Variants in DGKQ observed in about 807,000 individuals in gnomAD.
The protein encoded by DGKQ is diacylglycerol kinase theta.
Under a neutral mutation model 104.2 loss-of-function variants are expected in DGKQ, and 97 were observed. That is an observed-to-expected ratio of 0.93 (90% CI 0.79 to 1.10). The LOEUF (loss-of-function observed/expected upper bound fraction) is 1.10. Among genes scored for constraint, DGKQ ranks in the 50% least tolerant of loss-of-function variants. The pLI is 0.00. For synonymous variants in DGKQ, 736 were observed against 595.2 expected (o/e 1.24, Z -3.44); for missense variants, 1,465 against 1,352.1 (o/e 1.08, Z -1.31).
chr4:968,072 G>A, intron 5 of DGKQ, 45 bp from the exon 6 acceptor site: 28 of 1,319,836 alleles, frequency 2.1e-5, no homozygotes, highest in East Asian at 2.8e-5. Flanking sequence ...GCCAGGGTGC[G>A]GGGGCACCAG....
chr4:973,182 G>GCC, intron 1 of DGKQ, 30 bp downstream of exon 1: 1 of 1,516,378 alleles, frequency 6.6e-7, no homozygotes, highest in Non-Finnish European at 8.8e-7. Context: ...CAGGGCTGCA[G>GCC]CCGGGTAGGC....
At chr4:963,493 G>C (rs112411766) in intron 15 of DGKQ, among the ~76,000 whole-genome samples, 1 of 152,224 alleles carries the variant, frequency 6.6e-6, no homozygotes, top group African/African-American at 2.4e-5. Context: ...CTGGCCAGCA[G>C]GGCGGCACTG....
intron 6 of DGKQ, 36 bp downstream of exon 6, chr4:967,844 C>G: frequency 6.6e-7 from 1 of 1,524,816 alleles, no homozygotes; most frequent in Non-Finnish European, 8.8e-7. Flanking sequence ...GTGCGCAGCC[C>G]CCAGCCCAGG....
Position 962,931 on chromosome 4 carries a change from A to C in DGKQ, c.1887-11T>G. 2 of 1,604,050 alleles carry C rather than the reference A, an allele frequency of 1.2e-6. No homozygotes were observed. Among genetic ancestry groups the C allele is most frequent in the Non-Finnish European group, 1.7e-6 (2 of 1,176,196 alleles). On this transcript the variant is annotated splice_polypyrimidine_tract_variant and intron_variant, in intron 16 of 22. Transcript: ENST00000273814. ...GAGAACAGGTGGAGCCTAGCGGGAG[A>C]CAGGAAGTGTCCTCTACCAGCTGCG...
At chr4:967,697 T>C in intron 7 of DGKQ, 31 bp downstream of exon 7, 1 of 1,611,654 alleles carries the variant, frequency 6.2e-7, no homozygotes, top group South Asian at 1.1e-5. Context: ...GGGACCTCAG[T>C]GGAGTTGGGG....
At chr4:970,702 C>A (rs934799942) in intron 2 of DGKQ, among the ~76,000 whole-genome samples, 1 of 152,214 alleles carries the variant, frequency 6.6e-6, no homozygotes, top group African/African-American at 2.4e-5. Flanking sequence ...ACGCCCACTT[C>A]TCCGCCTGGA....
Position 959,006 on chromosome 4 carries a change from C to A in DGKQ, c.*1614G>T, listed in dbSNP as rs1711657782. On this transcript the variant is annotated 3_prime_UTR_variant, in exon 23 of 23. Transcript: ENST00000273814. ...CAGACCCCACCTGGGTACAGACTCA[C>A]ATACAGGACAAGCCCCTCACCACAG... The A allele has an allele frequency of 6.3e-6, 1 of 158,310 alleles. No individual in the cohort carries two copies. Among genetic ancestry groups the A allele is most frequent in the Non-Finnish European group, 1.4e-5 (1 of 72,400 alleles). 9.8% of individuals were successfully genotyped at this position (158,310 alleles called of 1,614,324 possible).
At chr4:965,103 G>C in intron 15 of DGKQ, 73 bp downstream of exon 15, 1 of 1,188,418 alleles carries the variant, frequency 8.4e-7, no homozygotes. Flanking sequence ...TGGGGCCTGT[G>C]CACCTGCAGA....
intron 13 of DGKQ, 53 bp from the exon 14 acceptor site, chr4:965,582 T>C (rs1312247560): frequency 1.9e-6 from 3 of 1,595,386 alleles, no homozygotes; most frequent in Non-Finnish European, 2.6e-6. Context: ...CACACAGCAC[T>C]GGGGCCAGGG....
In DGKQ at chr4:962,012, C is replaced by T; in HGVS notation, c.2285G>A (p.Arg762Gln). 5 of 1,613,178 alleles carry T rather than the reference C, an allele frequency of 3.1e-6. No homozygotes were observed. The highest frequency in any genetic ancestry group is 1.7e-4 in the Middle Eastern group (1 of 6,060). The change falls in exon 19 of 23, where the codon CGG becomes CAG. Residue 762 changes from arginine to glutamine, a missense_variant. Physicochemically the swap from Arg to Gln is conservative, Grantham distance 43. Transcript: ENST00000273814. ...TGTGAACTTGCCAGGCTCCTCTTCC[C>T]GTGCCTGGTGGAAGTCCAGGCTCAG... ...AELSLDFHQA[R>Q]EEEPGKFTSR...
chr4:964,169 C>G (rs1712109875), intron 15 of DGKQ: 1 of 154,600 alleles, frequency 6.5e-6, no homozygotes, highest in Non-Finnish European at 1.5e-5. Context: ...GGGGTGGGGG[C>G]TGCATCCTCG....
chr4:966,362 C>T (rs376212099), intron 12 of DGKQ, 104 bp downstream of exon 12: 2 of 1,321,540 alleles, frequency 1.5e-6, no homozygotes, highest in African/African-American at 2.9e-5. Context: ...CAGCCGCTGC[C>T]TAGCCAAGGA....
In DGKQ at chr4:965,160, T is replaced by C. The variant is rs1403142764; in HGVS notation, c.1734+16A>G. ...CCCCTGGGGTGTGTGAAGAGCCGGC[T>C]TGACCGCACACTCACCAGCAGGTCG... On this transcript the variant is annotated intron_variant, in intron 15 of 22. Transcript: ENST00000273814. 3 of 1,609,678 alleles carry C rather than the reference T, an allele frequency of 1.9e-6. No homozygotes were observed. The highest frequency in any genetic ancestry group is 2.7e-5 in the African/African-American group (2 of 74,864).
rs1370089094 is a variant in DGKQ at position 960,399 on chromosome 4, A to G, written c.*221T>C. On this transcript the variant is annotated 3_prime_UTR_variant, in exon 23 of 23. Coordinates refer to ENST00000273814, the MANE Select transcript of DGKQ (RefSeq NM_001347.4). The stretch of plus-strand genomic sequence containing the variant: ...CACGGGGTAACACTGCCACCCGCAC[A>G]CCAGTCTCCAGTGGGATGAGGGCTG... The G allele has an allele frequency of 1.0e-5, 6 of 583,832 alleles. No homozygotes were observed. The highest frequency in any genetic ancestry group is 7.4e-5 in the African/African-American group (4 of 53,736). The allele number at this position is 583,832 out of a possible 1,614,324, so 36.2% of individuals were successfully genotyped here. A position where few individuals can be genotyped will look rare whatever the true frequency, so the allele number is the denominator to read the frequency against.
chr4:965,560 G>T, intron 13 of DGKQ, 31 bp from the exon 14 acceptor site: 1 of 1,608,664 alleles, frequency 6.2e-7, no homozygotes, highest in East Asian at 2.2e-5. Context: ...CAGGGCGGTG[G>T]GAGGCGAAGG....
rs1236608442 is a variant in DGKQ at position 965,413 on chromosome 4, G to A, written c.1618+78C>T. ...GCCCAAGGGAAAGGTCAGGTGCTAC[G>A]TGAGGGCCAGGGCTGTCCCACTTCA... On this transcript the variant is annotated intron_variant, in intron 14 of 22. Coordinates refer to ENST00000273814, the MANE Select transcript of DGKQ (RefSeq NM_001347.4). 3.3e-5 allele frequency: 51 copies of A among 1,555,166 alleles called. No homozygotes were observed. The South Asian group carries it at 3.4e-4, about 11-fold the overall frequency.
At position 961,784 on chromosome 4, in the gene DGKQ, T is replaced by A; in HGVS notation, c.2366A>T (p.His789Leu). ...YVRVGLQKIS[H>L]SRSLHKQIRL... ...GATCTGCTTGTGCAGGCTCCGAGAG[T>A]GACTGATCTTCTGCAGCCCCACCCG... Residue 789 changes from histidine to leucine, a missense_variant, in exon 20 of 23, where the codon CAC becomes CTC. Physicochemically the swap from His to Leu is moderately conservative, Grantham distance 99. Transcript: ENST00000273814. The A allele has an allele frequency of 6.2e-7, 1 of 1,610,626 alleles. No individual in the cohort carries two copies. Among genetic ancestry groups the A allele is most frequent in the Non-Finnish European group, 8.5e-7 (1 of 1,178,940 alleles).
At chr4:962,398 G>C in intron 18 of DGKQ, 37 bp downstream of exon 18, 3 of 1,521,984 alleles carry the variant, frequency 2.0e-6, no homozygotes, top group South Asian at 1.2e-5. Flanking sequence ...TCATATGCAG[G>C]AGCCTGGAAG....
At position 962,482 on chromosome 4, in the gene DGKQ, C is replaced by T. The variant is rs370998016; in HGVS notation, c.2167G>A (p.Glu723Lys). 77 of 1,607,066 alleles carry T rather than the reference C, an allele frequency of 4.8e-5. No homozygotes were observed. Among genetic ancestry groups the T allele is most frequent in the Middle Eastern group, 1.7e-4 (1 of 6,058 alleles). ...GTGTCGTTCTCTGCACTGCCAGCCT[C>T]GTGGGCATCCAGCAGGATGGTCCAG... ...DRWTILLDAH[E>K]AGSAENDTAD... is the part of the protein sequence containing the mutation. The change falls in exon 18 of 23, where the codon GAG (glutamate) becomes AAG (lysine). Residue 723 changes from glutamate to lysine, a missense_variant. Glu to Lys is a moderately conservative substitution (Grantham distance 56, BLOSUM62 1). Coordinates refer to ENST00000273814, the MANE Select transcript of DGKQ (RefSeq NM_001347.4).
Sources: allele counts gnomAD v4.1 joint callset (sites outside exome capture counted in the v4.1 genomes callset), GRCh38; gene constraint gnomAD v4.1.1; transcripts MANE v1.5; gene names NCBI Gene and HGNC (gene_info 2026-07-23, HGNC 2026-07-21).